Variants in TULP3 observed in about 807,000 individuals in gnomAD.
TULP3 encodes tubby-related protein 3.
TULP3 carries 38 observed loss-of-function variants against 50.7 expected under a neutral mutation model. The observed-to-expected ratio is 0.75, with a 90% CI of 0.58 to 0.98. The LOEUF (loss-of-function observed/expected upper bound fraction) is 0.98. TULP3 is among the 50% of genes least tolerant of loss of function. The pLI, the probability that TULP3 is intolerant of heterozygous loss-of-function variation, is 0.00. For synonymous variants in TULP3, 183 were observed against 196.6 expected, an observed-to-expected ratio of 0.93 and a Z score of 0.58; for missense variants, 550 against 568.0, an observed-to-expected ratio of 0.97 and a Z score of 0.32.
At position 2,931,195 on chromosome 12, in the gene TULP3, C is replaced by T. The variant is rs759054606; in HGVS notation, c.651C>T (p.Leu217=). Residue 217 remains leucine (L), a synonymous_variant, in exon 6 of 11, where the codon CTC becomes CTT. Transcript: ENST00000448120. ...IRDKRGMDRG[L]FPTYYMYLEK... Reference sequence around the variant, plus strand: ...ATAAAAGGGGAATGGATCGGGGTCTCTTCCCCACCTACTATATGTACTTGG... The same window carrying T: ...ATAAAAGGGGAATGGATCGGGGTCTTTTCCCCACCTACTATATGTACTTGG... 6.2e-7 allele frequency: 1 copy of T among 1,614,202 alleles called. No individual in the cohort carries two copies. Among genetic ancestry groups the T allele is most frequent in the Non-Finnish European group, 8.5e-7 (1 of 1,180,052 alleles).
rs1475625671 is a variant in TULP3 at position 2,940,052 on chromosome 12, G to A, written c.*608G>A. 2 of 1,288,978 alleles carry A rather than the reference G, an allele frequency of 1.6e-6. No homozygotes were observed. Among genetic ancestry groups the A allele is most frequent in the African/African-American group, 3.0e-5 (2 of 65,834 alleles). 79.8% of individuals were successfully genotyped at this position (1,288,978 alleles called of 1,614,324 possible). The stretch of plus-strand genomic sequence containing the variant: ...TGGCCGGCACCAATCTTAGTCAAGA[G>A]TGGCTGTGATCACATTTGTGATCAA... On this transcript the variant is annotated 3_prime_UTR_variant, in exon 11 of 11. Coordinates refer to ENST00000448120, the MANE Select transcript of TULP3 (RefSeq NM_003324.5).
intron 2 of TULP3, among the ~76,000 whole-genome samples, chr12:2,911,665 T>A (rs1429060440): frequency 3.8e-5 from 1 of 26,126 alleles, no homozygotes; most frequent in Admixed American, 3.7e-4. Context: ...GCGCCCAGCC[T>A]TTTTTTTTTT....
At chr12:2,900,683 A>G (rs1020165515) in intron 1 of TULP3, among the ~76,000 whole-genome samples, 10 of 145,410 alleles carry the variant, frequency 6.9e-5, no homozygotes, top group African/African-American at 2.6e-4. Flanking sequence ...CTATTCCTGT[A>G]GACCTTGCAG....
At chr12:2,918,213 A>G (rs2153949398) in intron 2 of TULP3, among the ~76,000 whole-genome samples, 1 of 151,924 alleles carries the variant, frequency 6.6e-6, no homozygotes, top group Admixed American at 6.6e-5. Context: ...TCCCAGGTTC[A>G]AGTGATTCTC....
chr12:2,906,071 C>T (rs2098182045), intron 1 of TULP3, among the ~76,000 whole-genome samples: 1 of 148,928 alleles, frequency 6.7e-6, no homozygotes, highest in Non-Finnish European at 1.5e-5. Flanking sequence ...TGCACTGTCA[C>T]CTGGGCTAGA....
Position 2,940,731 on chromosome 12 carries a change from G to A in TULP3, c.*1287G>A, listed in dbSNP as rs1229521802. 5.2e-6 allele frequency: 8 copies of A among 1,547,622 alleles called. No homozygotes were observed. Among genetic ancestry groups the A allele is most frequent in the Admixed American group, 2.0e-5 (1 of 50,588 alleles). Reference sequence around the variant, plus strand: ...CCACATCAGATAAGCATGTGAAGGAGGGCCAACTGGCAGCTGCGGGACCCT... The same window carrying A: ...CCACATCAGATAAGCATGTGAAGGAAGGCCAACTGGCAGCTGCGGGACCCT... On this transcript the variant is annotated 3_prime_UTR_variant, in exon 11 of 11. Coordinates refer to ENST00000448120, the MANE Select transcript of TULP3 (RefSeq NM_003324.5).
intron 1 of TULP3, among the ~76,000 whole-genome samples, chr12:2,891,894 A>AAAAAT (rs765002666): frequency 5.3e-5 from 8 of 152,172 alleles, no homozygotes; most frequent in East Asian, 1.9e-4. Context: ...ATCTCTAGAA[A>AAAAAT]AAAATAAAAT....
chr12:2,932,921 G>A (rs185675318), intron 6 of TULP3, among the ~76,000 whole-genome samples: 3 of 151,964 alleles, frequency 2.0e-5, no homozygotes, highest in African/African-American at 7.2e-5. Flanking sequence ...AGAAAACCCT[G>A]ATAGTGAATT....
chr12:2,937,510 C>T (rs1420506513), intron 8 of TULP3, 121 bp from the exon 9 acceptor site: 3 of 765,700 alleles, frequency 3.9e-6, no homozygotes, highest in Admixed American at 2.3e-5. Flanking sequence ...ATCCACTGCC[C>T]CGGCTGATAC....
intron 4 of TULP3, among the ~76,000 whole-genome samples, chr12:2,924,823 C>T (rs963299062): frequency 9.9e-5 from 15 of 151,838 alleles, no homozygotes; most frequent in African/African-American, 3.1e-4. Flanking sequence ...TGCTGCATTC[C>T]AGCCTGTGTG....
intron 1 of TULP3, among the ~76,000 whole-genome samples, chr12:2,906,020 T>TA (rs34833376): frequency 0.21 from 28,589 of 135,822 alleles, 3,368 homozygotes; most frequent in East Asian, 0.27. Context: ...AGACCCTGTG[T>TA]AAAAAAAAAA....
chr12:2,929,188 G>A (rs760797574), intron 4 of TULP3, among the ~76,000 whole-genome samples: 17 of 151,508 alleles, frequency 1.1e-4, no homozygotes, highest in South Asian at 6.3e-4. Context: ...ATGGTGGCGC[G>A]CGCCTGTAGT....
intron 4 of TULP3, 31 bp downstream of exon 4, chr12:2,922,433 T>G (rs757419768): frequency 5.6e-6 from 9 of 1,595,968 alleles, no homozygotes; most frequent in Non-Finnish European, 6.8e-6. Context: ...TAAGGCAATT[T>G]GTCTCCTTAC....
chr12:2,920,507 C>CA (rs1565503433), intron 2 of TULP3, among the ~76,000 whole-genome samples: 3 of 145,716 alleles, frequency 2.1e-5, no homozygotes, highest in Admixed American at 1.4e-4. Flanking sequence ...GACTCTGTCT[C>CA]AAAAAAAAGA....
intron 1 of TULP3, among the ~76,000 whole-genome samples, chr12:2,891,819 CA>C (rs1297645654): frequency 6.6e-6 from 1 of 152,002 alleles, no homozygotes; most frequent in Non-Finnish European, 1.5e-5. Context: ...TTTGGGAGGC[CA>C]AGGCAGGAGG....
intron 8 of TULP3, among the ~76,000 whole-genome samples, chr12:2,937,200 A>ATTTTTTTTTTTTTTTTTTTT (rs771074689): frequency 3.7e-5 from 2 of 54,446 alleles, no homozygotes; most frequent in Admixed American, 3.6e-4. Flanking sequence ...GGTACACCTG[A>ATTTTTTTTTTTTTTTTTTTT]TTTTTTTTTT....
rs761649417 is a variant in TULP3, at chr12:2,931,232, A to G, written c.688A>G (p.Asn230Asp). ...CTATATGTACTTGGAAAAAGAAGAAAATCAGAAGGTATGAGAATTGATTTC... is the reference window on the plus strand; with the variant it reads ...CTATATGTACTTGGAAAAAGAAGAAGATCAGAAGGTATGAGAATTGATTTC... The part of the protein sequence containing the change: ...TYYMYLEKEE[N>D]QKIFLLAARK... Residue 230 changes from asparagine to aspartate, a missense_variant, in exon 6 of 11, where the codon AAT (asparagine) becomes GAT (aspartate). Asn to Asp is a conservative substitution (Grantham distance 23). Coordinates refer to ENST00000448120, the MANE Select transcript of TULP3 (RefSeq NM_003324.5). 8.1e-6 allele frequency: 13 copies of G among 1,613,734 alleles called. No homozygotes were observed. The highest frequency in any genetic ancestry group is 1.3e-5 in the African/African-American group (1 of 74,904).
chr12:2,937,572 G>T, intron 8 of TULP3, 59 bp from the exon 9 acceptor site: 1 of 1,185,344 alleles, frequency 8.4e-7, no homozygotes, highest in Non-Finnish European at 1.2e-6. Context: ...TGTTATAAAA[G>T]AATGTGGTCT....
At chr12:2,934,957 C>T (rs2098200253) in intron 8 of TULP3, among the ~76,000 whole-genome samples, 1 of 151,772 alleles carries the variant, frequency 6.6e-6, no homozygotes. Context: ...TTATAGTCCA[C>T]TTCTTTTTAA....
Sources: allele counts gnomAD v4.1 joint callset (sites outside exome capture counted in the v4.1 genomes callset), GRCh38; gene constraint gnomAD v4.1.1; transcripts MANE v1.5; gene names NCBI Gene and HGNC (gene_info 2026-07-23, HGNC 2026-07-21).